The following EXPH5 variants were observed in gnomAD, a reference collection of about 807,000 sequenced individuals.
EXPH5 encodes exophilin 5, also known as exophilin-5.
In EXPH5, 42 loss-of-function variants were observed where a neutral mutation model predicts 41.1. The ratio of observed to expected loss-of-function variants is 1.02; its 90% CI spans 0.80 to 1.32. The LOEUF (loss-of-function observed/expected upper bound fraction) is 1.32, where lower values mean the gene tolerates loss of function less well. EXPH5 is among the 40% of genes most tolerant of loss of function. The probability of loss-of-function intolerance (pLI) is 0.00; values close to 1 mark genes in which losing one functional copy is unlikely to be tolerated. For synonymous variants in EXPH5, 798 were observed against 833.5 expected (o/e 0.96, Z 0.73); for missense variants, 2,298 against 2,314.5 (o/e 0.99, Z 0.15).
At chr11:108,560,707 T>C (rs954404585) in intron 1 of EXPH5, among the ~76,000 whole-genome samples, 1 of 152,212 alleles carries the variant, frequency 6.6e-6, no homozygotes, top group African/African-American at 2.4e-5. Flanking sequence ...CCTGGAATAA[T>C]TATAGAACAA....
the EXPH5 span, among the ~76,000 whole-genome samples, chr11:108,602,572 G>A: frequency 3.3e-5 from 5 of 150,616 alleles, no homozygotes; most frequent in Non-Finnish European, 7.4e-5. Flanking sequence ...TTGGAGATGA[G>A]GTCTCATTCT....
At position 108,593,608 on chromosome 11, in the gene EXPH5, A is replaced by T. The variant is rs2094133944; in HGVS notation, c.-72T>A. 3.1e-6 allele frequency: 5 copies of T among 1,611,422 alleles called. No homozygotes were observed. In the Admixed American group the frequency reaches 8.4e-5, roughly 27 times the overall value. On this transcript the variant is annotated 5_prime_UTR_variant, in exon 1 of 6. Transcript: ENST00000265843. ...GTTAGGAAGGCATTTTTCAACCTGTACAAGACCAGTTTCACGAACTTGATC... is the reference window on the plus strand; with the variant it reads ...GTTAGGAAGGCATTTTTCAACCTGTTCAAGACCAGTTTCACGAACTTGATC...
At chr11:108,595,547 C>T (rs1265311507), upstream of EXPH5, among the ~76,000 whole-genome samples, 2 of 152,198 alleles carry the variant, frequency 1.3e-5, no homozygotes, top group Non-Finnish European at 2.9e-5. Context: ...CTAGAAAACA[C>T]TGGAGCATGT....
At chr11:108,588,965 A>G (rs981276141) in intron 1 of EXPH5, among the ~76,000 whole-genome samples, 21 of 152,328 alleles carry the variant, frequency 1.4e-4, no homozygotes, top group African/African-American at 5.1e-4. Context: ...TGGAAAGTGC[A>G]GACAGCTCAG....
intron 4 of EXPH5, among the ~76,000 whole-genome samples, chr11:108,520,970 T>C (rs1446364847): frequency 6.6e-6 from 1 of 152,212 alleles, no homozygotes; most frequent in Non-Finnish European, 1.5e-5. Flanking sequence ...TTGCAAACAT[T>C]ATCCACCCCA....
chr11:108,526,125 G>C (rs2093797117), intron 4 of EXPH5, among the ~76,000 whole-genome samples: 1 of 151,112 alleles, frequency 6.6e-6, no homozygotes, highest in Admixed American at 6.6e-5. Context: ...GTCTCACTAT[G>C]TTGCCCAAGC....
In EXPH5 at chr11:108,518,323, T is replaced by A. The variant is rs755061600; in HGVS notation, c.543A>T (p.Thr181=). 23 of 1,613,960 alleles carry A rather than the reference T, an allele frequency of 1.4e-5. No individual in the cohort carries two copies. Among genetic ancestry groups the A allele is most frequent in the Middle Eastern group, 3.3e-4 (2 of 6,084 alleles). The change falls in exon 5 of 6, where the codon ACA becomes ACT. Residue 181 remains threonine (T), a synonymous_variant. Transcript: ENST00000265843. The part of the protein sequence containing the change: ...SPLENHLVDS[T]FVPKPAVMRE... ...TCATGACTGCTGGCTTTGGGACAAATGTACTGTCAACTAGATGATTTTCCA... is the reference window on the plus strand; with the variant it reads ...TCATGACTGCTGGCTTTGGGACAAAAGTACTGTCAACTAGATGATTTTCCA...
chr11:108,528,172 A>C lies in EXPH5; in HGVS notation c.456T>G (p.His152Gln). 1 of 1,610,556 alleles carries C rather than the reference A, an allele frequency of 6.2e-7. No individual in the cohort carries two copies. Among genetic ancestry groups the C allele is most frequent in the Non-Finnish European group, 8.5e-7 (1 of 1,176,844 alleles). The change falls in exon 4 of 6, where the codon CAT becomes CAG. Residue 152 changes from histidine (H) to glutamine (Q), a missense_variant. By Grantham distance (24) the His-to-Gln change is conservative. Coordinates refer to ENST00000265843, the MANE Select transcript of EXPH5 (RefSeq NM_015065.3). ...CCCTCACAGGCATAGGAGGTCCTGC[A>C]TGGCCATCACATCTGTGGAAATAAT... The part of the protein sequence containing the change: ...PSLGQKGCDG[H>Q]AGPPMPVRGA...
chr11:108,599,823 G>A, the EXPH5 span, among the ~76,000 whole-genome samples: 4 of 152,152 alleles, frequency 2.6e-5, no homozygotes, highest in African/African-American at 4.8e-5. Flanking sequence ...GGGTAAGTGA[G>A]AGCACTGACA....
At chr11:108,524,310 T>A (rs2093783808) in intron 4 of EXPH5, among the ~76,000 whole-genome samples, 1 of 152,234 alleles carries the variant, frequency 6.6e-6, no homozygotes, top group Admixed American at 6.5e-5. Flanking sequence ...AGGGTTGCTG[T>A]AAGAATTAGG....
chr11:108,573,162 A>AAG (rs2094067475), intron 1 of EXPH5, among the ~76,000 whole-genome samples: 1 of 144,604 alleles, frequency 6.9e-6, no homozygotes, highest in African/African-American at 2.7e-5. Flanking sequence ...GAAAGAAAGA[A>AAG]AGAAAGAAAG....
At chr11:108,592,018 C>G (rs1411358077) in intron 1 of EXPH5, among the ~76,000 whole-genome samples, 1 of 152,204 alleles carries the variant, frequency 6.6e-6, no homozygotes. Context: ...TTGGAATATG[C>G]ACTGAAATTC....
rs1394601805 is a variant in EXPH5, at chr11:108,510,775, T to C, written c.4732A>G (p.Asn1578Asp). The change falls in exon 6 of 6, where the codon AAC becomes GAC. Residue 1578 changes from asparagine to aspartate, a missense_variant. Asn to Asp is a conservative substitution (Grantham distance 23, BLOSUM62 1). Transcript: ENST00000265843. The part of the protein sequence containing the change: ...SLPEGNKNKT[N>D]LDDLVKGENR... ...TCCCCCTTTACTAGGTCATCCAAGT[T>C]GGTTTTATTTTTGTTTCCTTCAGGA... The C allele has an allele frequency of 3.1e-6, 5 of 1,613,896 alleles. No individual in the cohort carries two copies. The highest frequency in any genetic ancestry group is 3.4e-6 in the Non-Finnish European group (4 of 1,180,002).
upstream of EXPH5, among the ~76,000 whole-genome samples, chr11:108,596,168 C>A (rs2094138676): frequency 1.3e-5 from 2 of 151,960 alleles, no homozygotes; most frequent in Non-Finnish European, 2.9e-5. Context: ...GCACTCCAGC[C>A]TGGGCAACAG....
chr11:108,561,645 C>T (rs1439892098), intron 1 of EXPH5, among the ~76,000 whole-genome samples: 2 of 152,184 alleles, frequency 1.3e-5, no homozygotes, highest in Non-Finnish European at 2.9e-5. Flanking sequence ...AGCAAGAATG[C>T]TGCCCAGTGA....
At chr11:108,531,946 T>C (rs574841721) in intron 3 of EXPH5, among the ~76,000 whole-genome samples, 2 of 152,336 alleles carry the variant, frequency 1.3e-5, no homozygotes, top group South Asian at 4.1e-4. Flanking sequence ...TTGGCTTTTT[T>C]GCTGTAATAG....
chr11:108,581,455 A>T (rs1008881041), intron 1 of EXPH5, among the ~76,000 whole-genome samples: 16 of 152,180 alleles, frequency 1.1e-4, no homozygotes, highest in Admixed American at 3.3e-4. Flanking sequence ...CATGTATTAT[A>T]CGTATCAAAA....
At chr11:108,607,334 T>A in the EXPH5 span, among the ~76,000 whole-genome samples, 1 of 152,228 alleles carries the variant, frequency 6.6e-6, no homozygotes, top group Non-Finnish European at 1.5e-5. Context: ...TTATTTTTAG[T>A]GTGGGGTGAA....
chr11:108,553,238 C>T (rs564007413), intron 1 of EXPH5, among the ~76,000 whole-genome samples: 1 of 152,168 alleles, frequency 6.6e-6, no homozygotes, highest in South Asian at 2.1e-4. Context: ...TGTAACCCTT[C>T]TGGATGTTTC....
Sources: gnomAD v4.1 joint callset for allele counts (sites outside exome capture counted in the v4.1 genomes callset) on GRCh38, gnomAD v4.1.1 for gene constraint, MANE v1.5 for transcripts, NCBI Gene and HGNC (gene_info 2026-07-23, HGNC 2026-07-21) for gene names.